DLGAP2: variants seen among roughly 807,000 people sequenced by gnomAD.
The protein encoded by DLGAP2 is DLG associated protein 2.
A neutral mutation model predicts 100.3 loss-of-function variants in DLGAP2; 26 were observed. The ratio of observed to expected loss-of-function variants is 0.26; its 90% CI spans 0.19 to 0.36. DLGAP2 has a LOEUF of 0.36. DLGAP2 is among the 10% of genes least tolerant of loss of function. The pLI is 1.00. For missense variants in DLGAP2, 1,858 were observed against 1,453.2 expected, an observed-to-expected ratio of 1.28 and a Z score of -4.53; for synonymous variants, 886 against 630.1, an observed-to-expected ratio of 1.41 and a Z score of -6.08.
At chr8:1,111,154 A>G (rs561703240) in intron 2 of DLGAP2, among the ~76,000 whole-genome samples, 1 of 152,198 alleles carries the variant, frequency 6.6e-6, no homozygotes, top group Non-Finnish European at 1.5e-5. Flanking sequence ...CTGGAAATGC[A>G]AAGATGGCCA....
At chr8:1,123,870 A>C (rs1047066440) in intron 2 of DLGAP2, among the ~76,000 whole-genome samples, 1 of 152,128 alleles carries the variant, frequency 6.6e-6, no homozygotes, top group African/African-American at 2.4e-5. Flanking sequence ...GTTTGCCTAA[A>C]AATTATTTTA....
At chr8:972,005 T>A (rs940906130) in intron 2 of DLGAP2, among the ~76,000 whole-genome samples, 2 of 152,168 alleles carry the variant, frequency 1.3e-5, no homozygotes, top group Non-Finnish European at 2.9e-5. Flanking sequence ...TATAATAACA[T>A]GGAACTAGAG....
At chr8:889,902 G>T (rs1797999402) in intron 1 of DLGAP2, among the ~76,000 whole-genome samples, 1 of 152,192 alleles carries the variant, frequency 6.6e-6, no homozygotes, top group Admixed American at 6.5e-5. Flanking sequence ...TTTGCAAGTG[G>T]GATCTTCTGA....
At chr8:1,072,537 G>A (rs958045335) in intron 2 of DLGAP2, among the ~76,000 whole-genome samples, 3 of 152,158 alleles carry the variant, frequency 2.0e-5, no homozygotes, top group Admixed American at 6.5e-5. Context: ...TCTCCCCGCG[G>A]TAGTGCAGGC....
chr8:741,723 G>A (rs534202516), intron 1 of DLGAP2, among the ~76,000 whole-genome samples: 2 of 152,316 alleles, frequency 1.3e-5, no homozygotes, highest in South Asian at 2.1e-4. Context: ...CTCCCCTTAG[G>A]GAACACCTGC....
intron 5 of DLGAP2, among the ~76,000 whole-genome samples, chr8:1,551,669 C>T (rs1306923093): frequency 4.6e-5 from 7 of 152,306 alleles, no homozygotes; most frequent in Non-Finnish European, 8.8e-5. Flanking sequence ...ACCATCCCTC[C>T]GAAAGTGACC....
intron 2 of DLGAP2, among the ~76,000 whole-genome samples, chr8:1,116,181 C>T (rs1212424413): frequency 6.6e-6 from 1 of 152,222 alleles, no homozygotes; most frequent in Non-Finnish European, 1.5e-5. Flanking sequence ...CAGCTGGGGA[C>T]ACCCGCACTG....
At chr8:1,312,835 A>G (rs1458429161) in intron 3 of DLGAP2, among the ~76,000 whole-genome samples, 2 of 152,242 alleles carry the variant, frequency 1.3e-5, no homozygotes, top group South Asian at 4.1e-4. Flanking sequence ...TGAAAGATGG[A>G]AAATGAACGC....
intron 3 of DLGAP2, among the ~76,000 whole-genome samples, chr8:1,430,517 C>G (rs1198781713): frequency 1.3e-5 from 2 of 152,164 alleles, no homozygotes; most frequent in Non-Finnish European, 2.9e-5. Flanking sequence ...AAGCCTAGGT[C>G]TACAGGCCTT....
At chr8:925,203 T>A (rs1798787814) in intron 2 of DLGAP2, among the ~76,000 whole-genome samples, 1 of 152,162 alleles carries the variant, frequency 6.6e-6, no homozygotes, top group Non-Finnish European at 1.5e-5. Context: ...CCTTCTGGGC[T>A]CAAGCTATCC....
chr8:1,079,194 G>A (rs529469079), intron 2 of DLGAP2, among the ~76,000 whole-genome samples: 2 of 152,270 alleles, frequency 1.3e-5, no homozygotes, highest in African/African-American at 4.8e-5. Flanking sequence ...CTCTACATAT[G>A]TTCCTTGGTG....
At chr8:1,453,067 G>T (rs1343900586) in intron 3 of DLGAP2, among the ~76,000 whole-genome samples, 1 of 152,110 alleles carries the variant, frequency 6.6e-6, no homozygotes, top group South Asian at 2.1e-4. Flanking sequence ...GGTGCAAATG[G>T]ACACAAATGA....
chr8:1,667,096 T>G (rs1045887768), intron 8 of DLGAP2, among the ~76,000 whole-genome samples: 10 of 152,196 alleles, frequency 6.6e-5, no homozygotes, highest in African/African-American at 2.4e-4. Flanking sequence ...GTGGTTGCTT[T>G]GCACTCTGAT....
intron 2 of DLGAP2, among the ~76,000 whole-genome samples, chr8:1,091,440 A>T (rs923532703): frequency 3.3e-5 from 5 of 152,250 alleles, no homozygotes; most frequent in African/African-American, 1.2e-4. Flanking sequence ...TATTAAAAAC[A>T]TCTACTTAAT....
chr8:1,511,631 A>G (rs143877696), intron 4 of DLGAP2, among the ~76,000 whole-genome samples: 2,451 of 150,590 alleles, frequency 0.016, 70 homozygotes, highest in African/African-American at 0.057. Flanking sequence ...GTGTAGGACA[A>G]TCAGTAGATG....
At chr8:1,157,734 G>A (rs904226480) in intron 2 of DLGAP2, among the ~76,000 whole-genome samples, 7 of 152,184 alleles carry the variant, frequency 4.6e-5, no homozygotes, top group African/African-American at 1.7e-4. Flanking sequence ...ACAAGAGAAC[G>A]TCAGCCACCC....
At chr8:799,586 A>G (rs1306571516) in intron 1 of DLGAP2, among the ~76,000 whole-genome samples, 1 of 152,204 alleles carries the variant, frequency 6.6e-6, no homozygotes, top group African/African-American at 2.4e-5. Flanking sequence ...GATGCCTATC[A>G]AACAGCTGAT....
intron 2 of DLGAP2, among the ~76,000 whole-genome samples, chr8:1,240,574 C>CGCCGTGTCTAGTTCTCTCACATGGT: frequency 7.1e-6 from 1 of 140,630 alleles, no homozygotes; most frequent in African/African-American, 2.6e-5. Flanking sequence ...TCTTACATGG[C>CGCCGTGTCTAGTTCTCTCACATGGT]GCCGTGTCTA....
At chr8:773,128 ATCT>A (rs1385005696) in intron 1 of DLGAP2, among the ~76,000 whole-genome samples, 2 of 152,168 alleles carry the variant, frequency 1.3e-5, no homozygotes, top group East Asian at 3.9e-4. Flanking sequence ...GCAGAAACTC[ATCT>A]TCTCACAGCT....
Sources: gnomAD v4.1 joint callset for allele counts (sites outside exome capture counted in the v4.1 genomes callset) on GRCh38, gnomAD v4.1.1 for gene constraint, MANE v1.5 for transcripts, NCBI Gene and HGNC (gene_info 2026-07-23, HGNC 2026-07-21) for gene names.